NEMP1: variants seen among roughly 807,000 people sequenced by gnomAD.
NEMP1 encodes the protein nuclear envelope integral membrane protein 1.
NEMP1 carries 29 observed loss-of-function variants against 53.7 expected under a neutral mutation model. The observed-to-expected ratio is 0.54, with a 90% CI of 0.40 to 0.74. The LOEUF is 0.74. Among genes scored for constraint, NEMP1 ranks in the 30% least tolerant of loss-of-function variants. NEMP1 has a pLI of 0.00. For missense variants in NEMP1, 477 were observed against 528.6 expected (o/e 0.90, Z 0.96); for synonymous variants, 193 against 192.9 (o/e 1.00, Z 0.00).
At chr12:57,078,171 C>T (rs144261061) in intron 1 of NEMP1, among the ~76,000 whole-genome samples, 37 of 152,258 alleles carry the variant, frequency 2.4e-4, no homozygotes, top group Middle Eastern at 6.8e-3. Context: ...CGTTCTGCCA[C>T]CCGTGCCCTG....
In NEMP1 at chr12:57,060,772, C is replaced by T. The variant is rs760227808; in HGVS notation, c.1154G>A (p.Arg385Lys). 4.3e-6 allele frequency: 7 copies of T among 1,610,368 alleles called. No homozygotes were observed. The African/African-American group carries it at 8.0e-5, about 18-fold the overall frequency. The change falls in exon 8 of 9, where the codon AGA (arginine) becomes AAA (lysine). Residue 385 changes from arginine (R) to lysine (K), a missense_variant and splice_region_variant. Transcript: ENST00000300128. ...GCTTGGTATATCTGGCCGAGTTTACCTTTTTGGAGACTGGATTCGAGAAAC... is the reference window on the plus strand; with the variant it reads ...GCTTGGTATATCTGGCCGAGTTTACTTTTTTGGAGACTGGATTCGAGAAAC... Reference protein sequence around the residue: ...KTVSRIQSPKRFADFVEGSSH... With the variant: ...KTVSRIQSPKKFADFVEGSSH...
At chr12:57,087,776 G>A (rs550556558) in intron 1 of NEMP1, among the ~76,000 whole-genome samples, 1 of 152,102 alleles carries the variant, frequency 6.6e-6, no homozygotes, top group Non-Finnish European at 1.5e-5. Flanking sequence ...ACAGAGAGGC[G>A]GGGCGGGGCT....
At chr12:57,088,212 T>G (rs1202436309), upstream of NEMP1, 1 of 152,240 alleles carries the variant, frequency 6.6e-6, no homozygotes, top group Non-Finnish European at 1.5e-5. Flanking sequence ...AATCCCTGCC[T>G]GACCTACGCG....
At chr12:57,072,384 G>A (rs2032394723) in intron 2 of NEMP1, among the ~76,000 whole-genome samples, 1 of 152,186 alleles carries the variant, frequency 6.6e-6, no homozygotes. Flanking sequence ...AGATTGCAGT[G>A]AGCCAAGATG....
intron 1 of NEMP1, among the ~76,000 whole-genome samples, chr12:57,076,094 AT>A (rs1210486349): frequency 1.3e-5 from 2 of 152,118 alleles, no homozygotes; most frequent in Non-Finnish European, 2.9e-5. Flanking sequence ...TCTCAAAAAA[AT>A]AAATAAATAA....
Position 57,063,172 on chromosome 12 carries a change from A to G in NEMP1, c.927T>C (p.Ala309=). ...PHIALAIIII[A]LCTKNLEHPI... is the part of the protein sequence containing the mutation. ...GGTGTTCCAGGTTCTTAGTACAAAG[A>G]GCAATGATGATAATGGCAAGGGCAA... Residue 309 remains alanine, a synonymous_variant, in exon 7 of 9, where the codon GCT becomes GCC. Transcript: ENST00000300128. 3 of 1,614,174 alleles carry G rather than the reference A, an allele frequency of 1.9e-6. No individual in the cohort carries two copies. Among genetic ancestry groups the G allele is most frequent in the Non-Finnish European group, 2.5e-6 (3 of 1,180,030 alleles).
intron 1 of NEMP1, among the ~76,000 whole-genome samples, chr12:57,074,621 T>C (rs1041733225): frequency 3.3e-5 from 5 of 152,186 alleles, no homozygotes; most frequent in African/African-American, 7.2e-5. Flanking sequence ...ATTTTTAATA[T>C]ATAGTACTTT....
Position 57,060,697 on chromosome 12 carries a change from T to G in NEMP1, c.1154+75A>C, listed in dbSNP as rs187254558. ...CAAAGGTCACAAGTGCACGATTCTC[T>G]AGAAGTATGATCTCTGGTAGAACTC... is the stretch of plus-strand genomic sequence containing the variant. On this transcript the variant is annotated intron_variant, in intron 8 of 8. Coordinates refer to ENST00000300128, the MANE Select transcript of NEMP1 (RefSeq NM_001130963.2). The G allele has an allele frequency of 3.0e-4, 433 of 1,463,488 alleles. 2 individuals are homozygous for G. In the African/African-American group the frequency reaches 4.4e-3, roughly 15 times the overall value. The allele number at this position is 1,463,488 out of a possible 1,614,324, so 90.7% of individuals were successfully genotyped here. A position where few individuals can be genotyped will look rare whatever the true frequency, so the allele number is the denominator to read the frequency against.
chr12:57,088,566 C>T (rs995837248), upstream of NEMP1, among the ~76,000 whole-genome samples: 14 of 152,232 alleles, frequency 9.2e-5, no homozygotes, highest in Non-Finnish European at 1.6e-4. Flanking sequence ...CAACGGGCGT[C>T]CCCGTAGTTG....
At position 57,056,757 on chromosome 12, in the gene NEMP1, G is replaced by A. The variant is rs1332405901; in HGVS notation, c.*3122C>T. 6.6e-6 allele frequency: 1 copy of A among 152,080 alleles called. No homozygotes were observed. Among genetic ancestry groups the A allele is most frequent in the Non-Finnish European group, 1.5e-5 (1 of 68,018 alleles). The allele number at this position is 152,080 out of a possible 1,614,324, so 9.4% of individuals were successfully genotyped here. A position where few individuals can be genotyped will look rare whatever the true frequency, so the allele number is the denominator to read the frequency against. On this transcript the variant is annotated 3_prime_UTR_variant, in exon 9 of 9. Coordinates refer to ENST00000300128, the MANE Select transcript of NEMP1 (RefSeq NM_001130963.2). ...TTTTATGGATATCAGGGCCTGGGGG[G>A]ACTATCTGGCCTATTTGGGTTCTTT...
chr12:57,067,299 G>C (rs1427066795), intron 4 of NEMP1, among the ~76,000 whole-genome samples: 1 of 151,864 alleles, frequency 6.6e-6, no homozygotes, highest in Non-Finnish European at 1.5e-5. Context: ...ACTCCAGCCT[G>C]GGCGACAGAG....
intron 1 of NEMP1, among the ~76,000 whole-genome samples, chr12:57,078,294 T>G (rs2136520867): frequency 6.6e-6 from 1 of 152,208 alleles, no homozygotes; most frequent in Non-Finnish European, 1.5e-5. Context: ...GTTTTCTCGC[T>G]TTTAACCAAG....
chr12:57,078,207 T>C (rs944621027), intron 1 of NEMP1, among the ~76,000 whole-genome samples: 3 of 152,164 alleles, frequency 2.0e-5, no homozygotes, highest in Non-Finnish European at 4.4e-5. Flanking sequence ...TACGCTCAGA[T>C]GGTGTTTGCT....
chr12:57,072,831 T>C lies in NEMP1; in HGVS notation c.209A>G (p.Asn70Ser). 6.2e-7 allele frequency: 1 copy of C among 1,613,624 alleles called. No individual in the cohort carries two copies. Among genetic ancestry groups the C allele is most frequent in the Non-Finnish European group, 8.5e-7 (1 of 1,179,748 alleles). ...KRASQQFCYT[N>S]VLIPKWHDIW... ...ATCATGCCATTTTGGGATAAGCACA[T>C]TTGTGTAACAGAATTGTTGGCTGGC... Residue 70 changes from asparagine (N) to serine (S), a missense_variant, in exon 2 of 9, where the codon AAT becomes AGT. Coordinates refer to ENST00000300128, the MANE Select transcript of NEMP1 (RefSeq NM_001130963.2).
At chr12:57,087,679 C>T (rs2033052866) in intron 1 of NEMP1, among the ~76,000 whole-genome samples, 1 of 152,110 alleles carries the variant, frequency 6.6e-6, no homozygotes, top group Non-Finnish European at 1.5e-5. Flanking sequence ...GCGGAAAGGT[C>T]TCCTCGCTAG....
chr12:57,083,813 G>A (rs1371879224), intron 1 of NEMP1, among the ~76,000 whole-genome samples: 2 of 152,254 alleles, frequency 1.3e-5, no homozygotes, highest in African/African-American at 4.8e-5. Flanking sequence ...TGCTTTTATC[G>A]CCCAGGCCAG....
rs183163109 is a variant in NEMP1 at position 57,070,214 on chromosome 12, T to C, written c.472+460A>G. Reference sequence around the variant, plus strand: ...GTCTTCATCTTTATTTATGGTTCCATGAATACTCTTTTTACTTGTGAATGA... The same window carrying C: ...GTCTTCATCTTTATTTATGGTTCCACGAATACTCTTTTTACTTGTGAATGA... On this transcript the variant is annotated intron_variant, in intron 3 of 8. Transcript: ENST00000300128. 1.7e-3 allele frequency among the ~76,000 whole-genome samples: 263 copies of C among 152,028 alleles called. 1 individual carries two copies. Among genetic ancestry groups the C allele is most frequent in the African/African-American group, 6.1e-3 (252 of 41,482 alleles).
intron 1 of NEMP1, among the ~76,000 whole-genome samples, chr12:57,078,019 T>C (rs1408755289): frequency 1.3e-5 from 2 of 151,922 alleles, no homozygotes; most frequent in Non-Finnish European, 2.9e-5. Context: ...GAGGCGGAGG[T>C]TGCAGTGAGC....
rs1386606984 is a variant in NEMP1 at position 57,058,683 on chromosome 12, T to C, written c.*1196A>G. 1 of 152,236 alleles carries C rather than the reference T, an allele frequency of 6.6e-6. No individual in the cohort carries two copies. Among genetic ancestry groups the C allele is most frequent in the Non-Finnish European group, 1.5e-5 (1 of 68,040 alleles). The allele number at this position is 152,236 out of a possible 1,614,324, so 9.4% of individuals were successfully genotyped here. ...GAATGAGCACCCAGAGGCATGAAGA[T>C]AACCTGGAGCCTATTTCCTGGCAAT... On this transcript the variant is annotated 3_prime_UTR_variant, in exon 9 of 9. Coordinates refer to ENST00000300128, the MANE Select transcript of NEMP1 (RefSeq NM_001130963.2).
Sources: gnomAD v4.1 joint callset for allele counts (sites outside exome capture counted in the v4.1 genomes callset) on GRCh38, gnomAD v4.1.1 for gene constraint, MANE v1.5 for transcripts, NCBI Gene and HGNC (gene_info 2026-07-23, HGNC 2026-07-21) for gene names.